Variants in SYT1 observed in about 807,000 individuals in gnomAD.
SYT1 encodes the protein synaptotagmin-1.
Under a neutral mutation model 44.8 loss-of-function variants are expected in SYT1, and 8 were observed. That is an observed-to-expected ratio of 0.18 (90% CI 0.10 to 0.32). The LOEUF (loss-of-function observed/expected upper bound fraction) is 0.32. Among genes scored for constraint, SYT1 ranks in the 10% least tolerant of loss-of-function variants. The pLI, the probability that SYT1 is intolerant of heterozygous loss-of-function variation, is 1.00. For missense variants in SYT1, 286 were observed against 509.3 expected, an observed-to-expected ratio of 0.56 and a Z score of 4.22; for synonymous variants, 154 against 188.8, an observed-to-expected ratio of 0.82 and a Z score of 1.51.
intron 4 of SYT1, among the ~76,000 whole-genome samples, chr12:79,234,940 G>A (rs1321062936): frequency 6.6e-6 from 1 of 151,934 alleles, no homozygotes; most frequent in Non-Finnish European, 1.5e-5. Flanking sequence ...CTTTCTCTTG[G>A]CTTCGTGATC....
intron 1 of SYT1, among the ~76,000 whole-genome samples, chr12:78,974,598 G>T (rs1456998723): frequency 6.6e-6 from 1 of 151,630 alleles, no homozygotes; most frequent in Non-Finnish European, 1.5e-5. Flanking sequence ...CACCATGCCC[G>T]GCTAATTTTT....
chr12:78,869,562 G>A (rs1427946903), intron 1 of SYT1, among the ~76,000 whole-genome samples: 1 of 151,788 alleles, frequency 6.6e-6, no homozygotes, highest in African/African-American at 2.4e-5. Flanking sequence ...TAATATTAGA[G>A]ATTCTATTGC....
rs531588937 is a variant in SYT1, at chr12:79,415,871, C to T, written c.929-28202C>T. ...TGTAGAAAGAAAGTGCTGAGTAATG[C>T]GGCCACAGAACTAGTTCTGCTAGCT... is the stretch of plus-strand genomic sequence containing the variant. On this transcript the variant is annotated intron_variant, in intron 9 of 10. Transcript: ENST00000261205. Among the ~76,000 whole-genome samples the T allele has an allele frequency of 4.6e-5, 7 of 152,230 alleles. No individual in the cohort carries two copies. The East Asian group carries it at 5.8e-4, about 13-fold the overall frequency.
intron 4 of SYT1, among the ~76,000 whole-genome samples, chr12:79,254,711 G>A (rs566531326): frequency 7.9e-5 from 12 of 152,268 alleles, no homozygotes; most frequent in Non-Finnish European, 1.6e-4. Context: ...TGATTCATAG[G>A]AGGTCAAAAT....
intron 1 of SYT1, among the ~76,000 whole-genome samples, chr12:78,966,198 C>T (rs1465307807): frequency 1.3e-5 from 2 of 151,934 alleles, no homozygotes; most frequent in African/African-American, 2.4e-5. Context: ...AAGGGACCAA[C>T]ATTTGCTGAA....
intron 9 of SYT1, among the ~76,000 whole-genome samples, chr12:79,365,286 A>G (rs1432611435): frequency 6.6e-6 from 1 of 152,104 alleles, no homozygotes; most frequent in Non-Finnish European, 1.5e-5. Flanking sequence ...TTGGGCCAAC[A>G]TATAGATCTG....
chr12:78,928,691 G>C (rs550199767), intron 1 of SYT1, among the ~76,000 whole-genome samples: 2 of 152,212 alleles, frequency 1.3e-5, no homozygotes, highest in Admixed American at 6.5e-5. Context: ...AAATAGCGTG[G>C]ACAGCTTGGA....
chr12:79,375,256 T>A (rs959863778), intron 9 of SYT1, among the ~76,000 whole-genome samples: 2 of 152,122 alleles, frequency 1.3e-5, no homozygotes, highest in Non-Finnish European at 2.9e-5. Flanking sequence ...GTACTTAACC[T>A]CCACTGGAGA....
chr12:79,253,987 A>G (rs2138703733), intron 4 of SYT1, among the ~76,000 whole-genome samples: 1 of 152,320 alleles, frequency 6.6e-6, no homozygotes, highest in African/African-American at 2.4e-5. Context: ...AAGTTTAAGG[A>G]AAGAAGTTGC....
chr12:79,201,028 C>T (rs909483779), intron 3 of SYT1, among the ~76,000 whole-genome samples: 13 of 152,150 alleles, frequency 8.5e-5, no homozygotes, highest in African/African-American at 3.1e-4. Flanking sequence ...TGGAGCCATC[C>T]TTTGATCATT....
At chr12:79,315,012 T>C (rs1457854990) in intron 8 of SYT1, among the ~76,000 whole-genome samples, 5 of 152,148 alleles carry the variant, frequency 3.3e-5, no homozygotes, top group Admixed American at 6.5e-5. Context: ...TGACAGGTAA[T>C]GGGTATGGGA....
chr12:79,062,457 G>C (rs899352143), intron 3 of SYT1, among the ~76,000 whole-genome samples: 3 of 152,196 alleles, frequency 2.0e-5, no homozygotes, highest in African/African-American at 4.8e-5. Context: ...CCATGGGGTG[G>C]TGAGTGCTTA....
At chr12:79,429,460 C>T (rs749125265) in intron 9 of SYT1, among the ~76,000 whole-genome samples, 22 of 151,974 alleles carry the variant, frequency 1.4e-4, no homozygotes, top group Non-Finnish European at 2.5e-4. Context: ...ACGCCCGTCT[C>T]GGCCTCCCAA....
chr12:79,126,118 G>A (rs1868421018), intron 3 of SYT1, among the ~76,000 whole-genome samples: 1 of 152,168 alleles, frequency 6.6e-6, no homozygotes, highest in Admixed American at 6.5e-5. Flanking sequence ...TTATCTTCTG[G>A]AAGAGCAAAG....
chr12:78,938,028 T>A (rs1402916644), intron 1 of SYT1, among the ~76,000 whole-genome samples: 3 of 152,128 alleles, frequency 2.0e-5, no homozygotes, highest in African/African-American at 7.2e-5. Context: ...CAGTTAAAAG[T>A]CGATGTAAAG....
chr12:79,050,691 G>C (rs1038182030), intron 3 of SYT1, among the ~76,000 whole-genome samples: 1 of 151,964 alleles, frequency 6.6e-6, no homozygotes, highest in African/African-American at 2.4e-5. Context: ...AACAAATATA[G>C]CAAGAAGTTT....
intron 3 of SYT1, among the ~76,000 whole-genome samples, chr12:79,157,098 C>T (rs1273129317): frequency 6.6e-6 from 1 of 152,136 alleles, no homozygotes; most frequent in Non-Finnish European, 1.5e-5. Flanking sequence ...CTAGACTGAT[C>T]CTGGGTCTGG....
intron 1 of SYT1, among the ~76,000 whole-genome samples, chr12:78,936,483 G>C (rs1024136689): frequency 2.6e-5 from 4 of 152,078 alleles, no homozygotes; most frequent in Admixed American, 6.6e-5. Context: ...AATTCTTGTA[G>C]ATTGGCCTTG....
intron 1 of SYT1, among the ~76,000 whole-genome samples, chr12:78,924,968 G>A (rs1877221021): frequency 6.6e-6 from 1 of 151,800 alleles, no homozygotes; most frequent in African/African-American, 2.4e-5. Flanking sequence ...TCAGCAGATA[G>A]CCTGGAAGTA....
Sources: gnomAD v4.1 joint callset for allele counts (sites outside exome capture counted in the v4.1 genomes callset) on GRCh38, gnomAD v4.1.1 for gene constraint, MANE v1.5 for transcripts, NCBI Gene and HGNC (gene_info 2026-07-23, HGNC 2026-07-21) for gene names.